Variants in ERH observed in about 807,000 individuals in gnomAD.
ERH encodes the protein ERH mRNA splicing and mitosis factor, also known as enhancer of rudimentary homolog.
A neutral mutation model predicts 16.8 loss-of-function variants in ERH; 1 was observed. The ratio of observed to expected loss-of-function variants is 0.06; its 90% confidence interval spans 0.02 to 0.28. The LOEUF (loss-of-function observed/expected upper bound fraction) is 0.28. ERH is among the 10% of genes least tolerant of loss of function. The probability of loss-of-function intolerance (pLI) is 1.00; values close to 1 mark genes in which losing one functional copy is unlikely to be tolerated. For missense variants in ERH, 42 were observed against 127.5 expected (o/e 0.33, Z 3.23); for synonymous variants, 43 against 43.6 (o/e 0.99, Z 0.05).
At position 69,387,096 on chromosome 14, in the gene ERH, AG is replaced by A. The variant is rs1294219068; in HGVS notation, c.92-14del. On this transcript the variant is annotated splice_polypyrimidine_tract_variant and intron_variant, in intron 2 of 3. Transcript: ENST00000557016. ...ATTTTACAAACACCTAAGAAAGGATAGGAAAAAAAGCAAAATCTTACAATCG... is the reference window on the plus strand; with the variant it reads ...ATTTTACAAACACCTAAGAAAGGATAGAAAAAAAGCAAAATCTTACAATCG... 4.3e-6 allele frequency: 7 copies of A among 1,611,556 alleles called. No homozygotes were observed. Among genetic ancestry groups the A allele is most frequent in the Non-Finnish European group, 5.9e-6 (7 of 1,178,718 alleles).
At chr14:69,392,223 G>T (rs1407933155) in intron 2 of ERH, among the ~76,000 whole-genome samples, 4 of 147,056 alleles carry the variant, frequency 2.7e-5, no homozygotes, top group East Asian at 2.0e-4. Context: ...AAAAAAAAAA[G>T]AATAATAAAA....
chr14:69,384,962 C>T (rs1374933345), intron 3 of ERH, among the ~76,000 whole-genome samples: 2 of 152,232 alleles, frequency 1.3e-5, no homozygotes, highest in African/African-American at 4.8e-5. Context: ...TCATTTCCAA[C>T]TACTTCAATT....
intron 1 of ERH, among the ~76,000 whole-genome samples, chr14:69,397,645 C>G (rs2140236261): frequency 6.6e-6 from 1 of 152,230 alleles, no homozygotes; most frequent in Middle Eastern, 3.4e-3. Context: ...CCGGCAGGGC[C>G]CGGTGGCTCA....
intron 1 of ERH, among the ~76,000 whole-genome samples, chr14:69,396,439 T>C (rs1043174188): frequency 6.6e-6 from 1 of 152,212 alleles, no homozygotes; most frequent in Non-Finnish European, 1.5e-5. Context: ...TTTTGTCTTT[T>C]TAGTAGAGAT....
chr14:69,396,890 CAAA>C (rs1034881201), intron 1 of ERH, among the ~76,000 whole-genome samples: 14 of 152,324 alleles, frequency 9.2e-5, no homozygotes, highest in Admixed American at 8.5e-4. Context: ...GCTAGCTACT[CAAA>C]AAGTTTCAAC....
intron 3 of ERH, among the ~76,000 whole-genome samples, chr14:69,386,227 C>T (rs1200468016): frequency 2.0e-5 from 3 of 152,322 alleles, no homozygotes; most frequent in East Asian, 3.9e-4. Context: ...CCATGATTGG[C>T]TCCAGTGGTG....
intron 2 of ERH, among the ~76,000 whole-genome samples, chr14:69,389,226 G>A (rs966098278): frequency 2.0e-5 from 3 of 151,938 alleles, no homozygotes; most frequent in South Asian, 2.1e-4. Flanking sequence ...GGGGTTTTGC[G>A]ATTTTGGCCA....
At chr14:69,391,012 C>G (rs1034866852) in intron 2 of ERH, among the ~76,000 whole-genome samples, 1 of 152,222 alleles carries the variant, frequency 6.6e-6, no homozygotes, top group Admixed American at 6.5e-5. Context: ...GGAACAGAAA[C>G]TCATTCACGC....
At chr14:69,389,544 G>A (rs2045912122) in intron 2 of ERH, among the ~76,000 whole-genome samples, 2 of 152,074 alleles carry the variant, frequency 1.3e-5, no homozygotes, top group South Asian at 4.1e-4. Context: ...AAAATCCTAA[G>A]GAAACAATAA....
chr14:69,380,369 G>A lies in ERH; in HGVS notation c.*169C>T, dbSNP rs2045854204. 1.4e-5 allele frequency: 6 copies of A among 433,612 alleles called. No homozygotes were observed. The highest frequency in any genetic ancestry group is 3.9e-5 in the Admixed American group (1 of 25,892). The allele number at this position is 433,612 out of a possible 1,614,324, so 26.9% of individuals were successfully genotyped here. ...AAGAGAAAGAAAAAGAGGAGGTAAC[G>A]GGGGTTTCCGATTGAACAAGATCCT... is the stretch of plus-strand genomic sequence containing the variant. On this transcript the variant is annotated 3_prime_UTR_variant, in exon 4 of 4. Coordinates refer to ENST00000557016, the MANE Select transcript of ERH (RefSeq NM_004450.3).
At chr14:69,382,507 G>A (rs1027758934) in intron 3 of ERH, among the ~76,000 whole-genome samples, 1 of 151,994 alleles carries the variant, frequency 6.6e-6, no homozygotes, top group African/African-American at 2.4e-5. Flanking sequence ...GAACATTAAG[G>A]AATCCATCAA....
chr14:69,391,884 G>A (rs1882218993), intron 2 of ERH, among the ~76,000 whole-genome samples: 2 of 151,950 alleles, frequency 1.3e-5, no homozygotes, highest in South Asian at 4.1e-4. Context: ...GTAGATACAC[G>A]TAATTATACA....
Position 69,380,619 on chromosome 14 carries a change from T to G in ERH, c.234A>C (p.Thr78=). The change falls in exon 4 of 4, where the codon ACA becomes ACC. Residue 78 remains threonine (T), a synonymous_variant. Coordinates refer to ENST00000557016, the MANE Select transcript of ERH (RefSeq NM_004450.3). ...SCLVYRADTQ[T]YQPYNKDWIK... is the part of the protein sequence containing the mutation. ...TCCAGTCTTTGTTATAAGGCTGGTATGTCTGGGTATCAGCTCGGTAACTGA... is the reference window on the plus strand; with the variant it reads ...TCCAGTCTTTGTTATAAGGCTGGTAGGTCTGGGTATCAGCTCGGTAACTGA... 1 of 1,611,180 alleles carries G rather than the reference T, an allele frequency of 6.2e-7. No individual in the cohort carries two copies. Among genetic ancestry groups the G allele is most frequent in the Non-Finnish European group, 8.5e-7 (1 of 1,177,808 alleles).
At chr14:69,382,840 T>C (rs528529936) in intron 3 of ERH, among the ~76,000 whole-genome samples, 1 of 151,342 alleles carries the variant, frequency 6.6e-6, no homozygotes, top group South Asian at 2.1e-4. Flanking sequence ...GAAAGCTGTG[T>C]GTCGATGGCT....
chr14:69,394,163 GAATA>G (rs1438365945), intron 2 of ERH, among the ~76,000 whole-genome samples: 3 of 151,824 alleles, frequency 2.0e-5, no homozygotes, highest in Non-Finnish European at 4.4e-5. Context: ...AGCTTAACCA[GAATA>G]TATAAGGGAT....
chr14:69,380,508 A>G lies in ERH; in HGVS notation c.*30T>C. The G allele has an allele frequency of 1.3e-6, 1 of 743,148 alleles. No homozygotes were observed. Among genetic ancestry groups the G allele is most frequent in the Non-Finnish European group, 2.4e-6 (1 of 417,286 alleles). The allele number at this position is 743,148 out of a possible 1,614,324, so 46.0% of individuals were successfully genotyped here. ...CTGTACACACCTGTGTTCCAAGCCCACCCCAACCCCCCCAGTGCTTCCAAC... is the reference window on the plus strand; with the variant it reads ...CTGTACACACCTGTGTTCCAAGCCCGCCCCAACCCCCCCAGTGCTTCCAAC... On this transcript the variant is annotated 3_prime_UTR_variant, in exon 4 of 4. Transcript: ENST00000557016.
At chr14:69,393,662 T>C (rs964465215) in intron 2 of ERH, among the ~76,000 whole-genome samples, 1 of 151,912 alleles carries the variant, frequency 6.6e-6, no homozygotes, top group Non-Finnish European at 1.5e-5. Flanking sequence ...CTACAAAAGG[T>C]GGGAGAATGG....
chr14:69,389,201 A>G (rs2140231908), intron 2 of ERH, among the ~76,000 whole-genome samples: 1 of 152,066 alleles, frequency 6.6e-6, no homozygotes, highest in Middle Eastern at 3.4e-3. Flanking sequence ...TAATTTTTGT[A>G]TTTTTAGTAG....
chr14:69,388,481 C>A (rs955862483), intron 2 of ERH, among the ~76,000 whole-genome samples: 2 of 152,040 alleles, frequency 1.3e-5, no homozygotes, highest in Non-Finnish European at 2.9e-5. Flanking sequence ...CTGCCTCAGC[C>A]CCCCAAGTAG....
Sources: allele counts gnomAD v4.1 joint callset (sites outside exome capture counted in the v4.1 genomes callset), GRCh38; gene constraint gnomAD v4.1.1; transcripts MANE v1.5; gene names NCBI Gene and HGNC (gene_info 2026-07-23, HGNC 2026-07-21).